MYO3A: variants seen among roughly 807,000 people sequenced by gnomAD.
MYO3A encodes the protein myosin IIIA.
A neutral mutation model predicts 192.7 loss-of-function variants in MYO3A; 180 were observed. That is an observed-to-expected ratio of 0.93 (90% CI 0.83 to 1.06). The LOEUF (loss-of-function observed/expected upper bound fraction) is 1.06, where lower values mean the gene tolerates loss of function less well. MYO3A is among the 50% of genes least tolerant of loss of function. The probability of loss-of-function intolerance (pLI) is 0.00; values close to 1 mark genes in which losing one functional copy is unlikely to be tolerated. For synonymous variants in MYO3A, 628 were observed against 645.3 expected, an observed-to-expected ratio of 0.97 and a Z score of 0.41; for missense variants, 1,896 against 1,905.0, an observed-to-expected ratio of 1.00 and a Z score of 0.09.
intron 6 of MYO3A, among the ~76,000 whole-genome samples, chr10:26,015,459 A>G (rs1013662293): frequency 7.2e-5 from 11 of 152,082 alleles, no homozygotes; most frequent in African/African-American, 2.4e-4. Flanking sequence ...TTTTAATAGA[A>G]TTTTGCATTT....
intron 4 of MYO3A, among the ~76,000 whole-genome samples, chr10:25,986,820 T>C (rs1217386182): frequency 6.6e-6 from 1 of 151,952 alleles, no homozygotes; most frequent in African/African-American, 2.4e-5. Context: ...GCAATTTCCA[T>C]CAAAATACCA....
chr10:26,038,238 G>A lies in MYO3A; in HGVS notation c.953+11706G>A, dbSNP rs536757215. 8.5e-5 allele frequency among the ~76,000 whole-genome samples: 13 copies of A among 152,306 alleles called. No individual in the cohort carries two copies. In the South Asian group the frequency reaches 2.1e-3, roughly 24 times the overall value. Reference sequence around the variant, plus strand: ...GCAGTGTTTTTACTATTTCTGTGAAGAATGTCATTGATATTTTGACAGGGA... The same window carrying A: ...GCAGTGTTTTTACTATTTCTGTGAAAAATGTCATTGATATTTTGACAGGGA... On this transcript the variant is annotated intron_variant, in intron 10 of 34. Transcript: ENST00000642920.
intron 4 of MYO3A, among the ~76,000 whole-genome samples, chr10:25,965,900 C>T (rs1838226119): frequency 6.6e-6 from 1 of 151,994 alleles, no homozygotes; most frequent in East Asian, 1.9e-4. Flanking sequence ...CTGGGCACCA[C>T]CCATTGGCTA....
chr10:26,017,766 AT>A (rs996243902), intron 7 of MYO3A, among the ~76,000 whole-genome samples: 1 of 151,082 alleles, frequency 6.6e-6, no homozygotes, highest in African/African-American at 2.4e-5. Context: ...GATTAAAAAA[AT>A]TTTTTTACCA....
intron 14 of MYO3A, among the ~76,000 whole-genome samples, chr10:26,081,711 G>A (rs770752827): frequency 1.1e-4 from 17 of 152,178 alleles, no homozygotes; most frequent in Non-Finnish European, 2.2e-4. Context: ...CCTGCTAGGG[G>A]ACCCAGGAAG....
intron 6 of MYO3A, among the ~76,000 whole-genome samples, chr10:26,013,996 A>G (rs1484988801): frequency 6.6e-6 from 1 of 152,160 alleles, no homozygotes; most frequent in Non-Finnish European, 1.5e-5. Flanking sequence ...GCTGGAGGCC[A>G]TTATGCTAAG....
At chr10:26,161,527 C>T (rs1257185878) in intron 26 of MYO3A, among the ~76,000 whole-genome samples, 2 of 152,108 alleles carry the variant, frequency 1.3e-5, no homozygotes, top group Non-Finnish European at 2.9e-5. Context: ...TAGATAAGTA[C>T]CATGCTTTGA....
intron 20 of MYO3A, among the ~76,000 whole-genome samples, chr10:26,138,834 G>C (rs1236163809): frequency 6.6e-6 from 1 of 152,218 alleles, no homozygotes; most frequent in Non-Finnish European, 1.5e-5. Flanking sequence ...CTTCATGAAT[G>C]GATTCCTGTG....
intron 29 of MYO3A, among the ~76,000 whole-genome samples, chr10:26,171,374 C>T (rs893706305): frequency 2.6e-5 from 4 of 152,108 alleles, no homozygotes; most frequent in African/African-American, 9.7e-5. Flanking sequence ...TTCCTAGCTT[C>T]CTTCTTTCCC....
chr10:26,134,284 A>G (rs1365662806), intron 20 of MYO3A, among the ~76,000 whole-genome samples: 2 of 152,188 alleles, frequency 1.3e-5, no homozygotes, highest in African/African-American at 4.8e-5. Context: ...TCATATTCTG[A>G]ATTAATGACT....
chr10:26,201,388 C>A, intron 33 of MYO3A, 83 bp downstream of exon 33: 6 of 1,152,008 alleles, frequency 5.2e-6, no homozygotes, highest in Non-Finnish European at 7.4e-6. Flanking sequence ...GATTTAAAAT[C>A]ACCTATTTTA....
intron 31 of MYO3A, among the ~76,000 whole-genome samples, chr10:26,185,364 G>A (rs1397824249): frequency 3.5e-5 from 4 of 113,562 alleles, no homozygotes; most frequent in African/African-American, 1.4e-4. Context: ...TTTTGAGATG[G>A]AGTCTTGCTC....
At chr10:26,198,208 C>A (rs1843509857) in intron 32 of MYO3A, among the ~76,000 whole-genome samples, 1 of 152,046 alleles carries the variant, frequency 6.6e-6, no homozygotes, top group Non-Finnish European at 1.5e-5. Flanking sequence ...GCCTTAAAAT[C>A]AGTATTGCCT....
chr10:26,133,107 G>A (rs975095387), intron 20 of MYO3A, among the ~76,000 whole-genome samples: 1 of 152,142 alleles, frequency 6.6e-6, no homozygotes, highest in Non-Finnish European at 1.5e-5. Flanking sequence ...TTGCTCAAAA[G>A]TGTGAATTAT....
chr10:26,106,470 C>T (rs1837807099), intron 17 of MYO3A, among the ~76,000 whole-genome samples: 1 of 151,784 alleles, frequency 6.6e-6, no homozygotes, highest in South Asian at 2.1e-4. Context: ...AAGAGTTTTA[C>T]CCCTTTCATG....
intron 29 of MYO3A, among the ~76,000 whole-genome samples, chr10:26,173,380 A>T (rs1014901732): frequency 3.3e-5 from 5 of 152,200 alleles, no homozygotes; most frequent in Admixed American, 3.3e-4. Context: ...AGTTCCTAGA[A>T]TTTTGATATC....
At chr10:26,000,527 G>A (rs1223299553) in intron 6 of MYO3A, among the ~76,000 whole-genome samples, 1 of 152,172 alleles carries the variant, frequency 6.6e-6, no homozygotes, top group East Asian at 1.9e-4. Flanking sequence ...CCTGAGGAAA[G>A]CCTATCTCCT....
intron 19 of MYO3A, among the ~76,000 whole-genome samples, chr10:26,128,189 T>G (rs1026103258): frequency 2.6e-5 from 4 of 152,192 alleles, no homozygotes; most frequent in African/African-American, 7.2e-5. Flanking sequence ...AAAATATTGT[T>G]TCATTTTCAT....
intron 2 of MYO3A, among the ~76,000 whole-genome samples, chr10:25,951,245 T>C (rs1188651298): frequency 6.6e-6 from 1 of 152,106 alleles, no homozygotes; most frequent in East Asian, 1.9e-4. Flanking sequence ...AATGGTCTCA[T>C]TGGCCATATT....
Sources: gnomAD v4.1 joint callset for allele counts (sites outside exome capture counted in the v4.1 genomes callset) on GRCh38, gnomAD v4.1.1 for gene constraint, MANE v1.5 for transcripts, NCBI Gene and HGNC (gene_info 2026-07-23, HGNC 2026-07-21) for gene names.